ACOT11: variants seen among roughly 807,000 people sequenced by gnomAD.
The protein encoded by ACOT11 is acyl-CoA thioesterase 11, also known as acyl-coenzyme A thioesterase 11.
A neutral mutation model predicts 77.5 loss-of-function variants in ACOT11; 69 were observed. The ratio of observed to expected loss-of-function variants is 0.89; its 90% confidence interval spans 0.73 to 1.09. ACOT11 has a LOEUF of 1.09. Among genes scored for constraint, ACOT11 ranks in the 50% least tolerant of loss-of-function variants. The pLI is 0.00. For synonymous variants in ACOT11, 279 were observed against 313.0 expected, an observed-to-expected ratio of 0.89 and a Z score of 1.15; for missense variants, 766 against 813.7, an observed-to-expected ratio of 0.94 and a Z score of 0.71.
At position 54,610,186 on chromosome 1, in the gene ACOT11, T is replaced by TG; in HGVS notation, c.*1075dup. 7.0e-7 allele frequency: 1 copy of TG among 1,433,242 alleles called. No individual in the cohort carries two copies. Among genetic ancestry groups the TG allele is most frequent in the Non-Finnish European group, 9.1e-7 (1 of 1,099,248 alleles). 88.8% of individuals were successfully genotyped at this position (1,433,242 alleles called of 1,614,324 possible). On this transcript the variant is annotated 3_prime_UTR_variant, in exon 16 of 16. Coordinates refer to ENST00000343744, the MANE Select transcript of ACOT11 (RefSeq NM_147161.4). The stretch of plus-strand genomic sequence containing the variant: ...TCAGCCTGGGGGCTGGTGCCGGCCT[T>TG]GCCTGCAGCAATGTAGCTGAGGACT...
At chr1:54,618,148 AAC>A (rs955923155) in intron 15 of ACOT11, among the ~76,000 whole-genome samples, 3 of 152,030 alleles carry the variant, frequency 2.0e-5, no homozygotes, top group Non-Finnish European at 4.4e-5. Flanking sequence ...GTTGCCTGGC[AAC>A]ACTCTTCTCT....
At chr1:54,611,073 G>A (rs940026142), downstream of ACOT11, 2 of 945,654 alleles carry the variant, frequency 2.1e-6, no homozygotes, top group Non-Finnish European at 2.5e-6. Context: ...CTGAGTGACT[G>A]TATAAATTCC....
At chr1:54,601,125 G>T in intron 8 of ACOT11, 144 bp from the exon 9 acceptor site, 1 of 784,776 alleles carries the variant, frequency 1.3e-6, no homozygotes, top group South Asian at 1.9e-5. Flanking sequence ...ACATGTGTGT[G>T]TATGTGTGTG....
intron 6 of ACOT11, 79 bp downstream of exon 6, chr1:54,594,770 G>T: frequency 1.3e-6 from 2 of 1,527,148 alleles, no homozygotes; most frequent in East Asian, 4.6e-5. Flanking sequence ...CCACTGGGCA[G>T]AGGCAGGAAG....
At chr1:54,586,745 T>C (rs1038113778) in intron 3 of ACOT11, among the ~76,000 whole-genome samples, 1 of 152,080 alleles carries the variant, frequency 6.6e-6, no homozygotes, top group Non-Finnish European at 1.5e-5. Flanking sequence ...TTTCTTTTCT[T>C]TTCTTTCTTT....
intron 3 of ACOT11, among the ~76,000 whole-genome samples, chr1:54,588,107 G>A (rs1254494611): frequency 2.0e-5 from 3 of 152,026 alleles, no homozygotes; most frequent in Non-Finnish European, 4.4e-5. Context: ...GGGAGGCTGA[G>A]GTGGGAGGAT....
intron 9 of ACOT11, among the ~76,000 whole-genome samples, chr1:54,601,663 C>T (rs548285437): frequency 6.6e-6 from 1 of 152,268 alleles, no homozygotes; most frequent in East Asian, 1.9e-4. Context: ...GGTTAATGGG[C>T]TGTCATGAGC....
chr1:54,614,726 G>A (rs1644152980), downstream of ACOT11: 2 of 1,613,890 alleles, frequency 1.2e-6, no homozygotes, highest in Non-Finnish European at 1.7e-6. Flanking sequence ...CAGTTGAGAT[G>A]AGCATGTTGG....
At chr1:54,580,772 C>T (rs1161266375) in intron 1 of ACOT11, among the ~76,000 whole-genome samples, 8 of 152,180 alleles carry the variant, frequency 5.3e-5, no homozygotes, top group East Asian at 1.9e-4. Flanking sequence ...TGGTCAGTGC[C>T]ATGATGGAGA....
chr1:54,564,042 G>A (rs1193958169), intron 1 of ACOT11, among the ~76,000 whole-genome samples: 3 of 151,320 alleles, frequency 2.0e-5, no homozygotes, highest in Non-Finnish European at 4.4e-5. Flanking sequence ...CTCCAGCCTG[G>A]GCAACAGAAT....
intron 1 of ACOT11, among the ~76,000 whole-genome samples, chr1:54,574,718 T>C (rs1281207298): frequency 1.3e-5 from 2 of 152,156 alleles, no homozygotes; most frequent in African/African-American, 4.8e-5. Flanking sequence ...GGGATTCAAA[T>C]GCAATCTACC....
chr1:54,595,941 T>A (rs1001276237), intron 6 of ACOT11, among the ~76,000 whole-genome samples: 11 of 152,212 alleles, frequency 7.2e-5, no homozygotes. Flanking sequence ...AGCTATGCCC[T>A]GAGTTCCATG....
intron 15 of ACOT11, among the ~76,000 whole-genome samples, chr1:54,617,947 G>A (rs1049420847): frequency 4.0e-5 from 6 of 150,880 alleles, no homozygotes; most frequent in African/African-American, 9.8e-5. Flanking sequence ...GCCTTGTCTC[G>A]AACTCCTGAC....
intron 1 of ACOT11, among the ~76,000 whole-genome samples, chr1:54,552,065 C>T (rs369240021): frequency 1.3e-4 from 20 of 152,284 alleles, no homozygotes; most frequent in African/African-American, 4.8e-4. Context: ...TGGATGTTCA[C>T]CCCACGGTTC....
chr1:54,607,040 T>C lies in ACOT11; in HGVS notation c.1371-94T>C. ...GGTGACATCCCATCACAGAAGCTGC[T>C]CAGGCACTGCAGTGTGGCAGGGCCC... On this transcript the variant is annotated intron_variant, in intron 13 of 15. Transcript: ENST00000343744. This position sits in a 1 kb window ranked among gnomAD's most constrained non-coding sequence, Gnocchi z 4.5. The C allele has an allele frequency of 6.5e-7, 1 of 1,535,972 alleles. No homozygotes were observed. The highest frequency in any genetic ancestry group is 8.8e-7 in the Non-Finnish European group (1 of 1,130,172).
At chr1:54,605,802 C>A (rs559315289) in intron 13 of ACOT11, among the ~76,000 whole-genome samples, 42 of 152,294 alleles carry the variant, frequency 2.8e-4, no homozygotes, top group African/African-American at 9.4e-4. Context: ...TGACTATCTT[C>A]TTCTCGAATT....
At chr1:54,594,758 TCCC>T in intron 6 of ACOT11, 67 bp downstream of exon 6, 11 of 1,546,778 alleles carry the variant, frequency 7.1e-6, no homozygotes, top group African/African-American at 1.4e-5. Flanking sequence ...TGCCCCGGGC[TCCC>T]ACTGGGCAGA....
At chr1:54,638,964 G>A (rs1644345831) in exon 17 of ACOT11, 1 of 152,148 alleles carries the variant, frequency 6.6e-6, no homozygotes, top group Non-Finnish European at 1.5e-5. Context: ...GCTGAAGCGG[G>A]AGGATCGCTT....
intron 1 of ACOT11, among the ~76,000 whole-genome samples, chr1:54,581,410 C>T (rs72668266): frequency 0.1 from 15,816 of 152,146 alleles, 1,197 homozygotes; most frequent in African/African-American, 0.21. Context: ...TATTGGCCCC[C>T]GCAGCTGGGT....
Sources: allele counts gnomAD v4.1 joint callset (sites outside exome capture counted in the v4.1 genomes callset), GRCh38; gene constraint gnomAD v4.1.1; non-coding constraint Gnocchi (gnomAD v3.1); transcripts MANE v1.5; gene names NCBI Gene and HGNC (gene_info 2026-07-23, HGNC 2026-07-21).